ZC3H14: variants seen among roughly 807,000 people sequenced by gnomAD.
The protein encoded by ZC3H14 is zinc finger CCCH domain-containing protein 14.
A neutral mutation model predicts 92.4 loss-of-function variants in ZC3H14; 31 were observed. That is an observed-to-expected ratio of 0.34 (90% CI 0.25 to 0.45). The LOEUF is 0.45. ZC3H14 is among the 20% of genes least tolerant of loss of function. The pLI is 1.00. For synonymous variants in ZC3H14, 321 were observed against 300.9 expected (o/e 1.07, Z -0.69); for missense variants, 781 against 897.3 (o/e 0.87, Z 1.66).
intron 9 of ZC3H14, among the ~76,000 whole-genome samples, chr14:88,578,793 T>TTTG (rs2081515971): frequency 6.9e-6 from 1 of 144,204 alleles, no homozygotes; most frequent in Admixed American, 7.3e-5. Context: ...TTTTTTTTTT[T>TTTG]TTTTTTTTTT....
rs1346036816 is a variant in ZC3H14 at position 88,614,778 on chromosome 14, AACTG to A, written c.*3030_*3033del. The A allele has an allele frequency of 6.6e-6, 1 of 152,210 alleles. No homozygotes were observed. Among genetic ancestry groups the A allele is most frequent in the Non-Finnish European group, 1.5e-5 (1 of 68,004 alleles). 9.4% of individuals were successfully genotyped at this position (152,210 alleles called of 1,614,324 possible). A position where few individuals can be genotyped will look rare whatever the true frequency, so the allele number is the denominator to read the frequency against. ...CTAATCCACTAAAAAAAGGAATTCT[AACTG>A]ACAAGTTTTTACAAATGGAGTTGGG... On this transcript the variant is annotated 3_prime_UTR_variant, in exon 17 of 17. Transcript: ENST00000251038.
intron 12 of ZC3H14, 127 bp downstream of exon 12, chr14:88,603,187 C>A: frequency 1.1e-6 from 1 of 935,244 alleles, no homozygotes; most frequent in South Asian, 1.4e-5. Flanking sequence ...GGCCTTTTTT[C>A]TTCTTTCAGA....
chr14:88,609,461 A>G, intron 14 of ZC3H14, 58 bp downstream of exon 14: 2 of 1,610,102 alleles, frequency 1.2e-6, no homozygotes, highest in Non-Finnish European at 1.7e-6. Flanking sequence ...GCATTTTGTG[A>G]CTGTAAATGG....
Position 88,572,114 on chromosome 14 carries a change from A to G in ZC3H14, c.320A>G (p.Glu107Gly). Residue 107 changes from glutamate to glycine, a missense_variant, in exon 5 of 17, where the codon GAG (glutamate) becomes GGG (glycine). By Grantham distance (98) the Glu-to-Gly change is moderately conservative (BLOSUM62 -2). Transcript: ENST00000251038. Reference protein sequence around the residue: ...SNKSNFSRGDERRHEAAVPPL... With the variant: ...SNKSNFSRGDGRRHEAAVPPL... The stretch of plus-strand genomic sequence containing the variant: ...AAGAGCAATTTCAGTCGGGGAGATG[A>G]GAGGAGGCATGAAGCTGCAGTGCCA... The G allele has an allele frequency of 6.2e-7, 1 of 1,614,164 alleles. No homozygotes were observed. Among genetic ancestry groups the G allele is most frequent in the Non-Finnish European group, 8.5e-7 (1 of 1,180,042 alleles).
intron 7 of ZC3H14, among the ~76,000 whole-genome samples, chr14:88,575,436 T>C (rs1043089634): frequency 6.6e-6 from 1 of 152,146 alleles, no homozygotes; most frequent in African/African-American, 2.4e-5. Context: ...GGCTCATGCC[T>C]GTACCTAGCA....
At position 88,572,638 on chromosome 14, in the gene ZC3H14, G is replaced by T. The variant is rs1448296574; in HGVS notation, c.492G>T (p.Glu164Asp). The T allele has an allele frequency of 6.2e-7, 1 of 1,614,190 alleles. No homozygotes were observed. Among genetic ancestry groups the T allele is most frequent in the Non-Finnish European group, 8.5e-7 (1 of 1,180,042 alleles). ...TGTCAACAGTGAAACCTTTGAGGGA[G>T]CCAGCACCCTCTGAAGATGTGATTG... ...RLMSTVKPLREPAPSEDVIDI... is the reference protein window; with the variant it reads ...RLMSTVKPLRDPAPSEDVIDI... Residue 164 changes from glutamate to aspartate, a missense_variant, in exon 6 of 17, where the codon GAG (glutamate) becomes GAT (aspartate). Physicochemically the swap from Glu to Asp is conservative, Grantham distance 45 (BLOSUM62 2). Around this residue, in one of 3 missense-constraint regions of ZC3H14, gnomAD observed 454 missense variants for 438.5 expected, o/e 1.04. Coordinates refer to ENST00000251038, the MANE Select transcript of ZC3H14 (RefSeq NM_024824.5).
intron 9 of ZC3H14, among the ~76,000 whole-genome samples, chr14:88,581,540 A>G (rs2139750872): frequency 6.6e-6 from 1 of 152,282 alleles, no homozygotes; most frequent in East Asian, 1.9e-4. Context: ...CAGCCTGGGC[A>G]ACAGAGTGAG....
chr14:88,614,266 G>GT lies in ZC3H14; in HGVS notation c.*2516dup, dbSNP rs1443707872. Reference sequence around the variant, plus strand: ...ACATGAGTAGAAACTTAATAGTCATGTATTTCAAAATTTGGCTTAATTTAG... The same window carrying GT: ...ACATGAGTAGAAACTTAATAGTCATGTTATTTCAAAATTTGGCTTAATTTAG... On this transcript the variant is annotated 3_prime_UTR_variant, in exon 17 of 17. Transcript: ENST00000251038. 1.3e-5 allele frequency: 2 copies of GT among 152,122 alleles called. No homozygotes were observed. The highest frequency in any genetic ancestry group is 4.8e-5 in the African/African-American group (2 of 41,420). 9.4% of individuals were successfully genotyped at this position (152,122 alleles called of 1,614,324 possible). A position where few individuals can be genotyped will look rare whatever the true frequency, so the allele number is the denominator to read the frequency against.
In ZC3H14 at chr14:88,563,063, G is replaced by C. The variant is rs1267308831; in HGVS notation, c.-71G>C. 2 of 1,536,968 alleles carry C rather than the reference G, an allele frequency of 1.3e-6. No homozygotes were observed. The highest frequency in any genetic ancestry group is 1.4e-5 in the African/African-American group (1 of 72,608). On this transcript the variant is annotated 5_prime_UTR_variant, in exon 1 of 17. Coordinates refer to ENST00000251038, the MANE Select transcript of ZC3H14 (RefSeq NM_024824.5). ...GAGGCGGTGGTGTCCCGGCTGCGGG[G>C]TAGGAGTCCGCGGCAGCCTCCGGGT...
intron 9 of ZC3H14, chr14:88,591,836 C>T (rs992300675): frequency 6.6e-5 from 10 of 152,150 alleles, no homozygotes; most frequent in Admixed American, 6.5e-4. Context: ...CATTTTTGTT[C>T]CACTTAATGT....
chr14:88,607,843 G>C (rs186037010), intron 13 of ZC3H14, among the ~76,000 whole-genome samples: 94 of 24,670 alleles, frequency 3.8e-3, no homozygotes, highest in Admixed American at 7.9e-3. Flanking sequence ...CCCCACCTCA[G>C]CCTGCAAGTA....
In ZC3H14 at chr14:88,572,763, G is replaced by T; in HGVS notation, c.617G>T (p.Gly206Val). 1 of 1,614,168 alleles carries T rather than the reference G, an allele frequency of 6.2e-7. No individual in the cohort carries two copies. Residue 206 changes from glycine (G) to valine (V), a missense_variant, in exon 6 of 17, where the codon GGT becomes GTT. Gly to Val is a moderately radical substitution (Grantham distance 109). This residue lies in a region of ZC3H14 where 454 missense variants were observed against 438.5 expected (regional missense o/e 1.04). Transcript: ENST00000251038. ...QKKPTVTLTY[G>V]SSRPSIEIYR... is the part of the protein sequence containing the mutation. ...AAACCTACAGTGACACTTACATATG[G>T]TTCTTCTCGCCCTTCTATTGAAATT... is the stretch of plus-strand genomic sequence containing the variant.
intron 12 of ZC3H14, among the ~76,000 whole-genome samples, chr14:88,605,804 A>G (rs2085305781): frequency 4.6e-5 from 7 of 152,182 alleles, no homozygotes; most frequent in Admixed American, 4.6e-4. Flanking sequence ...AACAGTAAGT[A>G]CTCATAGAAC....
chr14:88,575,262 A>C (rs1042756574), intron 7 of ZC3H14, among the ~76,000 whole-genome samples: 28 of 152,220 alleles, frequency 1.8e-4, no homozygotes, highest in Admixed American at 1.8e-3. Context: ...AATACCGTGT[A>C]AGACTTTTCC....
At chr14:88,566,536 T>C (rs2079647198) in intron 2 of ZC3H14, among the ~76,000 whole-genome samples, 1 of 152,240 alleles carries the variant, frequency 6.6e-6, no homozygotes, top group Non-Finnish European at 1.5e-5. Context: ...ACACTTGAAC[T>C]GCATTTTTTA....
chr14:88,601,899 T>C (rs1882754953), intron 10 of ZC3H14, 25 bp from the exon 11 acceptor site: 1 of 1,613,368 alleles, frequency 6.2e-7, no homozygotes. Flanking sequence ...AAAGTAAACA[T>C]TTGTGGCCAA....
Position 88,572,927 on chromosome 14 carries a change from T to C in ZC3H14, c.781T>C (p.Cys261Arg), listed in dbSNP as rs1342961047. Residue 261 changes from cysteine (C) to arginine (R), a missense_variant, in exon 6 of 17, where the codon TGT becomes CGT. Transcript: ENST00000251038. ...SSWVYETGRL[C>R]EPEVLNSLEE... ...TTGGGTATATGAAACAGGACGTTTG[T>C]GTGAACCAGAGGTGCTTAACAGCTT... 6.2e-7 allele frequency: 1 copy of C among 1,614,224 alleles called. No individual in the cohort carries two copies. Among genetic ancestry groups the C allele is most frequent in the South Asian group, 1.1e-5 (1 of 91,090 alleles).
rs1327848965 is a variant in ZC3H14 at position 88,613,374 on chromosome 14, C to G, written c.*1623C>G. On this transcript the variant is annotated 3_prime_UTR_variant, in exon 17 of 17. Coordinates refer to ENST00000251038, the MANE Select transcript of ZC3H14 (RefSeq NM_024824.5). Reference sequence around the variant, plus strand: ...AATTTATTTTAAATTGTTTAAATATCTGGAAATACTTTTAGCTATCATTTA... The same window carrying G: ...AATTTATTTTAAATTGTTTAAATATGTGGAAATACTTTTAGCTATCATTTA... 6.6e-6 allele frequency: 1 copy of G among 152,032 alleles called. No individual in the cohort carries two copies. The highest frequency in any genetic ancestry group is 1.5e-5 in the Non-Finnish European group (1 of 68,018). The allele number at this position is 152,032 out of a possible 1,614,324, so 9.4% of individuals were successfully genotyped here.
At chr14:88,600,974 C>G (rs535756782) in intron 10 of ZC3H14, among the ~76,000 whole-genome samples, 1 of 152,010 alleles carries the variant, frequency 6.6e-6, no homozygotes, top group Non-Finnish European at 1.5e-5. Flanking sequence ...TTCGTTTCTC[C>G]GAGTCTCTCT....
Sources: gnomAD v4.1 joint callset for allele counts (sites outside exome capture counted in the v4.1 genomes callset) on GRCh38, gnomAD v4.1.1 for gene constraint, gnomAD v4.1.1 regional missense constraint, MANE v1.5 for transcripts, NCBI Gene and HGNC (gene_info 2026-07-23, HGNC 2026-07-21) for gene names.